NSMCE1: variants seen among roughly 807,000 people sequenced by gnomAD.
NSMCE1 encodes NSE1 component of SMC5/6 complex.
NSMCE1 carries 18 observed loss-of-function variants against 29.6 expected under a neutral mutation model. That is an observed-to-expected ratio of 0.61 (90% CI 0.42 to 0.90). The LOEUF (loss-of-function observed/expected upper bound fraction) is 0.90, where lower values mean the gene tolerates loss of function less well. NSMCE1 is among the 40% of genes least tolerant of loss of function. NSMCE1 has a pLI of 0.00. For missense variants in NSMCE1, 314 were observed against 343.6 expected, an observed-to-expected ratio of 0.91 and a Z score of 0.68; for synonymous variants, 124 against 133.4, an observed-to-expected ratio of 0.93 and a Z score of 0.49.
intron 5 of NSMCE1, among the ~76,000 whole-genome samples, chr16:27,228,295 C>T (rs2083724618): frequency 6.6e-6 from 1 of 152,096 alleles, no homozygotes; most frequent in Non-Finnish European, 1.5e-5. Context: ...GGAGGGAGGC[C>T]GGGGCACCAG....
At chr16:27,248,250 T>A (rs537958760) in intron 2 of NSMCE1, among the ~76,000 whole-genome samples, 1 of 152,280 alleles carries the variant, frequency 6.6e-6, no homozygotes, top group East Asian at 1.9e-4. Context: ...ATTGCCACAC[T>A]GTTTTCCTAA....
intron 2 of NSMCE1, among the ~76,000 whole-genome samples, chr16:27,256,872 A>C (rs2084093131): frequency 6.6e-6 from 1 of 152,066 alleles, no homozygotes; most frequent in South Asian, 2.1e-4. Flanking sequence ...TTGTTTTATA[A>C]TTTATTTTCT....
chr16:27,268,241 C>T (rs1216903294), intron 1 of NSMCE1: 2 of 151,974 alleles, frequency 1.3e-5, no homozygotes, highest in African/African-American at 4.8e-5. Flanking sequence ...CGGACTTGTA[C>T]AAAGTAAGAA....
At chr16:27,243,231 A>T (rs372043380) in intron 2 of NSMCE1, among the ~76,000 whole-genome samples, 1 of 152,222 alleles carries the variant, frequency 6.6e-6, no homozygotes, top group Non-Finnish European at 1.5e-5. Context: ...CCTGTAAGTT[A>T]TATACCACTG....
intron 2 of NSMCE1, among the ~76,000 whole-genome samples, chr16:27,239,314 G>A (rs974808292): frequency 6.6e-6 from 1 of 152,182 alleles, no homozygotes; most frequent in Admixed American, 6.5e-5. Context: ...CCACAGCTCT[G>A]CCCCTGGTCT....
intron 5 of NSMCE1, among the ~76,000 whole-genome samples, chr16:27,227,846 C>T (rs148542993): frequency 6.9e-6 from 1 of 143,918 alleles, no homozygotes; most frequent in Non-Finnish European, 1.5e-5. Context: ...AATGCAATGG[C>T]ACAATCTTGG....
At chr16:27,237,348 C>A (rs527813574) in intron 2 of NSMCE1, among the ~76,000 whole-genome samples, 1 of 152,224 alleles carries the variant, frequency 6.6e-6, no homozygotes, top group Non-Finnish European at 1.5e-5. Flanking sequence ...CCCTCCACTG[C>A]GGCAGCCACC....
At position 27,257,477 on chromosome 16, in the gene NSMCE1, C is replaced by G. The variant is rs34906383; in HGVS notation, c.94G>C (p.Asp32His). The change falls in exon 2 of 8, where the codon GAC (aspartate) becomes CAC (histidine). Residue 32 changes from aspartate (D) to histidine (H), a missense_variant. By Grantham distance (81) the Asp-to-His change is moderately conservative (BLOSUM62 -1). Transcript: ENST00000361439. Reference sequence around the variant, plus strand: ...CAGTGCGTCTGCAAGCGCTTCACGTCCCATTCCTCTAGCACGCCATGGGTC... The same window carrying G: ...CAGTGCGTCTGCAAGCGCTTCACGTGCCATTCCTCTAGCACGCCATGGGTC... ...LMTHGVLEEW[D>H]VKRLQTHCYK... is the part of the protein sequence containing the mutation. 3.1e-6 allele frequency: 5 copies of G among 1,613,964 alleles called. No homozygotes were observed. Among genetic ancestry groups the G allele is most frequent in the Non-Finnish European group, 4.2e-6 (5 of 1,179,942 alleles).
At chr16:27,247,940 C>A (rs1160412153) in intron 2 of NSMCE1, among the ~76,000 whole-genome samples, 12 of 149,480 alleles carry the variant, frequency 8.0e-5, no homozygotes, top group South Asian at 2.1e-4. Flanking sequence ...AAAAAAAAAA[C>A]AAAAAACAAA....
intron 3 of NSMCE1, 32 bp downstream of exon 3, chr16:27,235,146 A>C (rs201683540): frequency 1.3e-4 from 214 of 1,603,420 alleles, no homozygotes; most frequent in Non-Finnish European, 1.7e-4. Flanking sequence ...GCTCCTCAAA[A>C]ATGCCACTAG....
rs1486186495 is a variant in NSMCE1 at position 27,226,856 on chromosome 16, G to A, written c.484-20C>T. On this transcript the variant is annotated intron_variant, in intron 5 of 7. Coordinates refer to ENST00000361439, the MANE Select transcript of NSMCE1 (RefSeq NM_145080.4). ...TTCCTTCTGCAGGGACACACAGGAG[G>A]TGGCCACCCTCAGCCAGGCCCTCTC... The A allele has an allele frequency of 2.0e-6, 3 of 1,514,408 alleles. No individual in the cohort carries two copies. Among genetic ancestry groups the A allele is most frequent in the Non-Finnish European group, 2.8e-6 (3 of 1,090,044 alleles). 93.8% of individuals were successfully genotyped at this position (1,514,408 alleles called of 1,614,324 possible).
chr16:27,235,650 G>A (rs1220363835), intron 2 of NSMCE1, among the ~76,000 whole-genome samples: 5 of 152,306 alleles, frequency 3.3e-5, no homozygotes, highest in South Asian at 2.1e-4. Context: ...CAGAGCCTGC[G>A]TGAGCTCCCG....
chr16:27,253,675 C>T (rs947993419), intron 2 of NSMCE1, among the ~76,000 whole-genome samples: 1 of 152,192 alleles, frequency 6.6e-6, no homozygotes, highest in Non-Finnish European at 1.5e-5. Context: ...GTCTGTATGA[C>T]TCATGAGAGC....
chr16:27,256,251 T>C (rs1038958573), intron 2 of NSMCE1, among the ~76,000 whole-genome samples: 5 of 152,204 alleles, frequency 3.3e-5, no homozygotes, highest in African/African-American at 9.7e-5. Flanking sequence ...TGCATTCCCA[T>C]TCATCAGAGG....
At chr16:27,251,170 A>ATC (rs2084026039) in intron 2 of NSMCE1, among the ~76,000 whole-genome samples, 1 of 50,844 alleles carries the variant, frequency 2.0e-5, no homozygotes, top group Non-Finnish European at 3.1e-5. Flanking sequence ...ATATATATAT[A>ATC]TATATATATA....
At chr16:27,257,165 T>C (rs1294635021) in intron 2 of NSMCE1, among the ~76,000 whole-genome samples, 1 of 152,210 alleles carries the variant, frequency 6.6e-6, no homozygotes, top group Non-Finnish European at 1.5e-5. Flanking sequence ...AAACTGAGGC[T>C]GGGGCAGGTC....
intron 5 of NSMCE1, among the ~76,000 whole-genome samples, chr16:27,229,181 C>A (rs2083737912): frequency 6.6e-6 from 1 of 152,258 alleles, no homozygotes; most frequent in African/African-American, 2.4e-5. Context: ...CTGCTGGCCA[C>A]AGGGCCACTG....
intron 5 of NSMCE1, 111 bp from the exon 6 acceptor site, chr16:27,226,947 A>G: frequency 2.8e-6 from 2 of 721,518 alleles, no homozygotes; most frequent in Middle Eastern, 3.6e-4. Flanking sequence ...ACAAGGGTCT[A>G]CGCAGCTTTT....
At chr16:27,235,619 C>T (rs1381306261) in intron 2 of NSMCE1, among the ~76,000 whole-genome samples, 1 of 152,218 alleles carries the variant, frequency 6.6e-6, no homozygotes, top group Non-Finnish European at 1.5e-5. Flanking sequence ...GCACCTTCAG[C>T]GCATTACTCA....
Sources: gnomAD v4.1 joint callset for allele counts (sites outside exome capture counted in the v4.1 genomes callset) on GRCh38, gnomAD v4.1.1 for gene constraint, MANE v1.5 for transcripts, NCBI Gene and HGNC (gene_info 2026-07-23, HGNC 2026-07-21) for gene names.